The following MARCHF8 variants were observed in gnomAD, a reference collection of about 807,000 sequenced individuals.
The protein encoded by MARCHF8 is E3 ubiquitin-protein ligase MARCHF8.
Under a neutral mutation model 51.6 loss-of-function variants are expected in MARCHF8, and 40 were observed. The ratio of observed to expected loss-of-function variants is 0.77; its 90% CI spans 0.60 to 1.01. The LOEUF (loss-of-function observed/expected upper bound fraction) is 1.01, where lower values mean the gene tolerates loss of function less well. Among genes scored for constraint, MARCHF8 ranks in the 50% least tolerant of loss-of-function variants. The probability of loss-of-function intolerance (pLI) is 0.00; values close to 1 mark genes in which losing one functional copy is unlikely to be tolerated. For synonymous variants in MARCHF8, 263 were observed against 280.3 expected (o/e 0.94, Z 0.62); for missense variants, 685 against 708.6 (o/e 0.97, Z 0.38).
chr10:45,584,141 ATAT>A (rs947312208), intron 1 of MARCHF8, among the ~76,000 whole-genome samples: 19 of 121,224 alleles, frequency 1.6e-4, no homozygotes, highest in African/African-American at 7.2e-4. Flanking sequence ...ATATATATAT[ATAT>A]ATATATATAT....
Position 45,463,993 on chromosome 10 carries a change from G to A in MARCHF8, c.246C>T (p.Ser82=). The A allele has an allele frequency of 2.0e-6, 3 of 1,533,860 alleles. No individual in the cohort carries two copies. Among genetic ancestry groups the A allele is most frequent in the Non-Finnish European group, 2.6e-6 (3 of 1,145,902 alleles). The change falls in exon 5 of 8, where the codon TCC becomes TCT. Residue 82 remains serine (S), a synonymous_variant. Transcript: ENST00000453424. Reference sequence around the variant, plus strand: ...GACAACACTCAGAAAACACTGCACTGGAACTGCATGCAGAACAGTGGGATA... The same window carrying A: ...GACAACACTCAGAAAACACTGCACTAGAACTGCATGCAGAACAGTGGGATA... ...ITPSSQDICS[S]SAVFSECCHH...
At chr10:45,588,310 T>C (rs1049012797) in intron 1 of MARCHF8, among the ~76,000 whole-genome samples, 8 of 152,148 alleles carry the variant, frequency 5.3e-5, no homozygotes, top group Non-Finnish European at 1.0e-4. Context: ...AGAACAAAAA[T>C]CTTTTTAACC....
At chr10:45,489,644 G>A (rs71494793) in intron 2 of MARCHF8, among the ~76,000 whole-genome samples, 9,368 of 152,134 alleles carry the variant, frequency 0.062, 329 homozygotes, top group Non-Finnish European at 0.066. Context: ...TTTTATTTAA[G>A]AGATTTAATT....
intron 3 of MARCHF8, among the ~76,000 whole-genome samples, chr10:45,469,976 C>CA (rs1332205952): frequency 5.7e-4 from 83 of 144,658 alleles, no homozygotes; most frequent in East Asian, 8.3e-4. Flanking sequence ...TAAAAATTAT[C>CA]AAAAAAAAAT....
intron 2 of MARCHF8, among the ~76,000 whole-genome samples, chr10:45,517,079 A>C (rs1290848964): frequency 6.6e-6 from 1 of 152,256 alleles, no homozygotes; most frequent in East Asian, 1.9e-4. Flanking sequence ...TGGTGGCAAC[A>C]GTGGTGAGTA....
chr10:45,577,939 T>C (rs2044508516), intron 1 of MARCHF8, among the ~76,000 whole-genome samples: 1 of 152,192 alleles, frequency 6.6e-6, no homozygotes, highest in African/African-American at 2.4e-5. Context: ...GGGGATTTGC[T>C]TGAGCCCAGG....
chr10:45,470,568 A>T (rs1285152818), intron 3 of MARCHF8, among the ~76,000 whole-genome samples: 1 of 152,224 alleles, frequency 6.6e-6, no homozygotes, highest in Non-Finnish European at 1.5e-5. Flanking sequence ...ACATGATCAT[A>T]GGAGTAATAA....
intron 2 of MARCHF8, among the ~76,000 whole-genome samples, chr10:45,499,098 C>T (rs1344647924): frequency 1.3e-5 from 2 of 152,148 alleles, no homozygotes; most frequent in East Asian, 1.9e-4. Context: ...CCACTTTGTT[C>T]GGATCCTCAT....
intron 2 of MARCHF8, among the ~76,000 whole-genome samples, chr10:45,503,261 G>A (rs754847934): frequency 1.7e-4 from 26 of 152,108 alleles, no homozygotes; most frequent in Non-Finnish European, 2.8e-4. Context: ...ATTATGGCCG[G>A]GCACGGTGGC....
chr10:45,533,065 A>G lies in MARCHF8; in HGVS notation c.102+45T>C, dbSNP rs1228339924. On this transcript the variant is annotated intron_variant, in intron 2 of 7. Transcript: ENST00000453424. Reference sequence around the variant, plus strand: ...ACTGTTCTAGGTCATCTTTAATAAAAATTTAATAAAAATAATGAAACTAAA... The same window carrying G: ...ACTGTTCTAGGTCATCTTTAATAAAGATTTAATAAAAATAATGAAACTAAA... The G allele has an allele frequency of 2.0e-6, 3 of 1,480,564 alleles. No homozygotes were observed. The South Asian group carries it at 4.1e-5, about 20-fold the overall frequency. The allele number at this position is 1,480,564 out of a possible 1,614,324, so 91.7% of individuals were successfully genotyped here. A position where few individuals can be genotyped will look rare whatever the true frequency, so the allele number is the denominator to read the frequency against.
chr10:45,512,229 G>A (rs1412855346), intron 2 of MARCHF8, among the ~76,000 whole-genome samples: 2 of 151,412 alleles, frequency 1.3e-5, no homozygotes, highest in Admixed American at 6.6e-5. Context: ...GAGAAGTGAC[G>A]AGCCCCTCCG....
intron 3 of MARCHF8, among the ~76,000 whole-genome samples, chr10:45,472,384 C>G (rs750814458): frequency 1.3e-5 from 2 of 152,208 alleles, no homozygotes; most frequent in Admixed American, 6.5e-5. Context: ...GCTCAATGAA[C>G]TAAACAGCTA....
At chr10:45,475,561 C>T (rs1411926928) in intron 3 of MARCHF8, among the ~76,000 whole-genome samples, 1 of 152,182 alleles carries the variant, frequency 6.6e-6, no homozygotes, top group East Asian at 1.9e-4. Context: ...ACATCTAGCA[C>T]TCAATTGCGT....
At chr10:45,462,679 G>A (rs1403627635) in intron 5 of MARCHF8, among the ~76,000 whole-genome samples, 1 of 150,664 alleles carries the variant, frequency 6.6e-6, no homozygotes, top group African/African-American at 2.4e-5. Flanking sequence ...AGGCTGGAGT[G>A]CAATGGCGCA....
intron 3 of MARCHF8, among the ~76,000 whole-genome samples, chr10:45,477,160 T>C (rs1349142871): frequency 6.6e-6 from 1 of 151,640 alleles, no homozygotes; most frequent in African/African-American, 2.4e-5. Flanking sequence ...AGAAGCCTTA[T>C]AGACCAGGAG....
At chr10:45,544,589 T>C (rs1042035428) in intron 1 of MARCHF8, among the ~76,000 whole-genome samples, 1 of 152,118 alleles carries the variant, frequency 6.6e-6, no homozygotes, top group African/African-American at 2.4e-5. Context: ...ACCTCAAAGA[T>C]TATGCAAATT....
intron 1 of MARCHF8, among the ~76,000 whole-genome samples, chr10:45,588,998 C>CA (rs72350925): frequency 0.14 from 11,912 of 87,274 alleles, 971 homozygotes; most frequent in Middle Eastern, 0.24. Context: ...GACTACGTTT[C>CA]AAAAAAAAAA....
intron 1 of MARCHF8, among the ~76,000 whole-genome samples, chr10:45,582,636 G>A (rs570744691): frequency 1.4e-4 from 21 of 152,304 alleles, no homozygotes; most frequent in Non-Finnish European, 2.8e-4. Flanking sequence ...ATTCAGAAAA[G>A]TCAGGAGCAG....
chr10:45,479,699 C>G (rs2042851178), intron 3 of MARCHF8, among the ~76,000 whole-genome samples: 1 of 152,204 alleles, frequency 6.6e-6, no homozygotes. Flanking sequence ...TCATCTTCCC[C>G]CATGATTGTG....
Sources: allele counts gnomAD v4.1 joint callset (sites outside exome capture counted in the v4.1 genomes callset), GRCh38; gene constraint gnomAD v4.1.1; transcripts MANE v1.5; gene names NCBI Gene and HGNC (gene_info 2026-07-23, HGNC 2026-07-21).